The following LMF1 variants were observed in gnomAD, a reference collection of about 807,000 sequenced individuals.
LMF1 encodes the protein transmembrane protein 112.
In LMF1, 68 loss-of-function variants were observed where a neutral mutation model predicts 60.6. The observed-to-expected ratio is 1.12, with a 90% confidence interval of 0.92 to 1.37. The LOEUF is 1.37. Ranked by LOEUF, LMF1 falls within the 40% of genes most tolerant of loss-of-function variation. The probability of loss-of-function intolerance (pLI) is 0.00; values close to 1 mark genes in which losing one functional copy is unlikely to be tolerated. For missense variants in LMF1, 948 were observed against 767.2 expected (o/e 1.24, Z -2.78); for synonymous variants, 418 against 324.7 (o/e 1.29, Z -3.09).
At chr16:929,300 C>T (rs147725073) in intron 3 of LMF1, among the ~76,000 whole-genome samples, 23 of 152,324 alleles carry the variant, frequency 1.5e-4, no homozygotes, top group Admixed American at 1.4e-3. Flanking sequence ...TCCCAGAGCC[C>T]GCTCTCCATA....
At position 856,796 on chromosome 16, in the gene LMF1, T is replaced by G. The variant is rs568082963; in HGVS notation, c.1530-2090A>C. 3.3e-5 allele frequency among the ~76,000 whole-genome samples: 5 copies of G among 152,322 alleles called. No individual in the cohort carries two copies. The South Asian group carries it at 1.0e-3, about 32-fold the overall frequency. On this transcript the variant is annotated intron_variant, in intron 10 of 10. Coordinates refer to ENST00000262301, the MANE Select transcript of LMF1 (RefSeq NM_022773.4). ...AGGCCATGGCACCGCCCCGGAGGGC[T>G]TGAGAGTGTTGAAAATAGGGGATCT...
upstream of LMF1, among the ~76,000 whole-genome samples, chr16:974,306 G>C (rs2073095423): frequency 6.6e-6 from 1 of 152,178 alleles, no homozygotes; most frequent in Admixed American, 6.5e-5. Flanking sequence ...CTGCAGCTCA[G>C]TGTCCTGTGA....
At chr16:965,612 G>C (rs558952943) in intron 1 of LMF1, among the ~76,000 whole-genome samples, 61 of 152,324 alleles carry the variant, frequency 4.0e-4, no homozygotes, top group Admixed American at 7.8e-4. Context: ...TGGAGAATTA[G>C]AGATCCGGGC....
At chr16:867,104 C>G (rs2069629938) in intron 10 of LMF1, among the ~76,000 whole-genome samples, 1 of 151,594 alleles carries the variant, frequency 6.6e-6, no homozygotes, top group Admixed American at 6.5e-5. Context: ...GTACCACCTG[C>G]TCCAGCTGCC....
At chr16:881,161 G>A (rs1299460591) in intron 5 of LMF1, among the ~76,000 whole-genome samples, 6 of 152,230 alleles carry the variant, frequency 3.9e-5, no homozygotes, top group Admixed American at 1.3e-4. Context: ...CCGGGGTGGG[G>A]GTGTGGGAAG....
intron 5 of LMF1, among the ~76,000 whole-genome samples, chr16:890,357 AAGTCAC>A (rs1170691900): frequency 3.3e-5 from 5 of 152,316 alleles, no homozygotes; most frequent in Non-Finnish European, 7.4e-5. Context: ...ATGCCTTTTC[AAGTCAC>A]AGTGGGTTTT....
intron 4 of LMF1, among the ~76,000 whole-genome samples, chr16:907,345 G>T (rs139556300): frequency 6.6e-6 from 1 of 151,964 alleles, no homozygotes; most frequent in Admixed American, 6.5e-5. Context: ...AGCTTGCAGT[G>T]AGCCGAGATC....
chr16:920,220 C>T (rs140593780), intron 3 of LMF1, among the ~76,000 whole-genome samples: 11 of 151,078 alleles, frequency 7.3e-5, no homozygotes, highest in Admixed American at 1.3e-4. Flanking sequence ...GCTCGGCCCC[C>T]GACACGACAT....
chr16:921,467 C>T (rs1197828383), intron 3 of LMF1, among the ~76,000 whole-genome samples: 3 of 152,140 alleles, frequency 2.0e-5, no homozygotes, highest in Admixed American at 6.5e-5. Flanking sequence ...AACCCCCCGG[C>T]GGAGTGTGTG....
At chr16:943,419 T>G (rs954233867) in intron 2 of LMF1, among the ~76,000 whole-genome samples, 4 of 148,808 alleles carry the variant, frequency 2.7e-5, no homozygotes, top group African/African-American at 9.9e-5. Context: ...ATTTCCCATG[T>G]GTTCATTCAT....
chr16:970,936 C>A lies in LMF1; in HGVS notation c.45G>T (p.Leu15=), dbSNP rs957845435. The A allele has an allele frequency of 2.2e-5, 35 of 1,560,614 alleles. No individual in the cohort carries two copies. In the African/African-American group the frequency reaches 3.8e-4, roughly 17 times the overall value. Reference sequence around the variant, plus strand: ...CCGAGTACCCAGTCTTCCGCCTCCTCAGCGACTCCGCGGGCGCCGCCATTG... The same window carrying A: ...CCGAGTACCCAGTCTTCCGCCTCCTAAGCGACTCCGCGGGCGCCGCCATTG... ...SPTMAAPAES[L]RRRKTGYSDP... is the part of the protein sequence containing the mutation. Residue 15 remains leucine (L), a synonymous_variant, in exon 1 of 11, where the codon CTG becomes CTT. Transcript: ENST00000262301.
At chr16:978,374 C>T (rs1348619936) in intron 1 of LMF1, among the ~76,000 whole-genome samples, 2 of 152,102 alleles carry the variant, frequency 1.3e-5, no homozygotes, top group East Asian at 1.9e-4. Flanking sequence ...CATGAACACA[C>T]GCGCCTCCGG....
At chr16:914,615 C>T (rs1596983417) in intron 3 of LMF1, among the ~76,000 whole-genome samples, 17 of 116,680 alleles carry the variant, frequency 1.5e-4, no homozygotes, top group East Asian at 5.0e-4. Context: ...CTCCCTCCCT[C>T]CCCATGACCA....
chr16:940,467 G>A (rs552164743), intron 2 of LMF1, among the ~76,000 whole-genome samples: 52 of 152,222 alleles, frequency 3.4e-4, no homozygotes, highest in Non-Finnish European at 6.2e-4. Context: ...GCAGCGTCCT[G>A]CCTGGGACGA....
At chr16:891,867 G>A (rs1018285290) in intron 5 of LMF1, among the ~76,000 whole-genome samples, 2 of 151,808 alleles carry the variant, frequency 1.3e-5, no homozygotes, top group Middle Eastern at 3.2e-3. Flanking sequence ...TCCCCGTCAC[G>A]GCTGTGTTGG....
intron 4 of LMF1, among the ~76,000 whole-genome samples, chr16:910,235 G>A (rs1040595811): frequency 6.6e-6 from 1 of 152,214 alleles, no homozygotes; most frequent in Non-Finnish European, 1.5e-5. Context: ...ACAGGGGGTT[G>A]GCATGTGATT....
Position 978,149 on chromosome 16 carries a change from TACAC to T in LMF1, c.-135+2992_-135+2995del, listed in dbSNP as rs144909608. On this transcript the variant is annotated intron_variant, in intron 1 of 6. Coordinates refer to the LMF1 transcript ENST00000570014. The stretch of plus-strand genomic sequence containing the variant: ...CACACCACACCACACACATACATCA[TACAC>T]ACACACACACACCACACACCATACA... 1.6e-3 allele frequency among the ~76,000 whole-genome samples: 198 copies of T among 124,312 alleles called. 1 individual carries two copies. Among genetic ancestry groups the T allele is most frequent in the Admixed American group, 6.8e-3 (86 of 12,644 alleles). 81.6% of individuals were successfully genotyped at this position (124,312 alleles called of 152,430 possible). A position where few individuals can be genotyped will look rare whatever the true frequency, so the allele number is the denominator to read the frequency against.
At chr16:867,152 G>A (rs1011674939) in intron 10 of LMF1, among the ~76,000 whole-genome samples, 16 of 152,250 alleles carry the variant, frequency 1.1e-4, no homozygotes, top group Non-Finnish European at 2.1e-4. Context: ...GATGTGCCGT[G>A]TGGCAGTGTT....
chr16:953,955 C>T (rs1444481037), intron 2 of LMF1, among the ~76,000 whole-genome samples: 16 of 73,956 alleles, frequency 2.2e-4, no homozygotes, highest in Non-Finnish European at 1.4e-4. Context: ...AGACACCCAC[C>T]CCAAACCAGC....
Sources: gnomAD v4.1 joint callset for allele counts (sites outside exome capture counted in the v4.1 genomes callset) on GRCh38, gnomAD v4.1.1 for gene constraint, MANE v1.5 for transcripts, NCBI Gene and HGNC (gene_info 2026-07-23, HGNC 2026-07-21) for gene names.